Variants in IHO1 observed in about 807,000 individuals in gnomAD.
IHO1 encodes interactor of HORMAD1 1.
A neutral mutation model predicts 31.0 loss-of-function variants in IHO1; 13 were observed. The observed-to-expected ratio is 0.42, with a 90% confidence interval of 0.27 to 0.67. The LOEUF is 0.67. Ranked by LOEUF, IHO1 falls within the 30% of genes least tolerant of loss-of-function variation. IHO1 has a pLI of 0.24. For synonymous variants in IHO1, 221 were observed against 248.4 expected (o/e 0.89, Z 1.04); for missense variants, 599 against 687.5 (o/e 0.87, Z 1.44).
rs879052520 is a variant in IHO1, at chr3:49,256,397, G to A, written c.900G>A (p.Gln300=). 2 of 1,614,146 alleles carry A rather than the reference G, an allele frequency of 1.2e-6. No homozygotes were observed. Among genetic ancestry groups the A allele is most frequent in the Non-Finnish European group, 8.5e-7 (1 of 1,180,026 alleles). Residue 300 remains glutamine (Q), a synonymous_variant, in exon 8 of 8, where the codon CAG becomes CAA. Transcript: ENST00000452691. The surrounding 1 kb of genome is among the most constrained non-coding windows in gnomAD (Gnocchi z 4.6). ...AGAAACCAGTTTTATGGCAGGCCCA[G>A]GCCCTCCCTGCTGCATGGAATCCTG... ...TSEKPVLWQA[Q]ALPAAWNPGM...
chr3:49,210,679 G>A (rs1026371288), intron 1 of IHO1, among the ~76,000 whole-genome samples: 5 of 149,690 alleles, frequency 3.3e-5, no homozygotes, highest in South Asian at 2.1e-4. Context: ...GATTACAGGC[G>A]TGAGCCACTG....
chr3:49,244,105 C>T (rs1156775114), intron 4 of IHO1, among the ~76,000 whole-genome samples: 1 of 152,080 alleles, frequency 6.6e-6, no homozygotes, highest in Non-Finnish European at 1.5e-5. Flanking sequence ...CAGGTGCCCA[C>T]CACCACGCCT....
intron 4 of IHO1, 22 bp downstream of exon 4, chr3:49,241,411 A>T (rs1254527483): frequency 6.4e-7 from 1 of 1,572,826 alleles, no homozygotes. Flanking sequence ...TTTCAAATGG[A>T]TGAAAGAACT....
chr3:49,243,739 C>T (rs112015135), intron 4 of IHO1, among the ~76,000 whole-genome samples: 30,001 of 119,366 alleles, frequency 0.25, 4,198 homozygotes, highest in Middle Eastern at 0.33. Flanking sequence ...GCCTGGGTGA[C>T]GGAGCGAGAC....
At chr3:49,228,444 C>A in intron 2 of IHO1, 1 of 365,796 alleles carries the variant, frequency 2.7e-6, no homozygotes, top group Non-Finnish European at 5.5e-6. Context: ...CGGTATTTAG[C>A]CCCTGAATTC....
rs200605628 is a variant in IHO1 at position 49,233,852 on chromosome 3, C to T, written c.57-2696C>T. ...CAAGGAACACTTGGCCCACCGAGGG[C>T]GGAAAACCACTTCCAGGCATTCCTA... is the stretch of plus-strand genomic sequence containing the variant. On this transcript the variant is annotated intron_variant, in intron 2 of 7. Transcript: ENST00000452691. 1.2e-3 allele frequency among the ~76,000 whole-genome samples: 183 copies of T among 152,242 alleles called. 1 individual carries two copies. Among genetic ancestry groups the T allele is most frequent in the African/African-American group, 3.7e-3 (154 of 41,544 alleles).
intron 6 of IHO1, among the ~76,000 whole-genome samples, chr3:49,247,455 C>T (rs1012483790): frequency 3.4e-4 from 52 of 151,326 alleles, no homozygotes; most frequent in Non-Finnish European, 6.5e-4. Context: ...TGGTTTTGAA[C>T]TCCTGACCTC....
chr3:49,245,022 A>AT, intron 6 of IHO1: 1 of 576,568 alleles, frequency 1.7e-6, no homozygotes, highest in South Asian at 2.3e-5. Flanking sequence ...TTCTCATCTC[A>AT]CTGCCTGAAG....
chr3:49,196,002 G>T (rs549783773), upstream of IHO1, among the ~76,000 whole-genome samples: 1 of 150,540 alleles, frequency 6.6e-6, no homozygotes, highest in African/African-American at 2.4e-5. Flanking sequence ...TTGGGAGGTC[G>T]AGGCGGGCGG....
At chr3:49,215,886 A>G (rs2046281105) in intron 2 of IHO1, among the ~76,000 whole-genome samples, 1 of 152,136 alleles carries the variant, frequency 6.6e-6, no homozygotes, top group South Asian at 2.1e-4. Flanking sequence ...CTTTAACAGG[A>G]GAAGGGTCAA....
intron 2 of IHO1, among the ~76,000 whole-genome samples, chr3:49,235,725 CGA>C (rs1207239735): frequency 6.6e-6 from 1 of 150,644 alleles, no homozygotes; most frequent in African/African-American, 2.4e-5. Context: ...GTCAGGAGTT[CGA>C]GAGACCAGCC....
intron 2 of IHO1, among the ~76,000 whole-genome samples, chr3:49,217,176 G>T (rs1447473570): frequency 6.6e-6 from 1 of 152,092 alleles, no homozygotes; most frequent in Non-Finnish European, 1.5e-5. Flanking sequence ...AACTGATAAA[G>T]ACACATGCAC....
chr3:49,250,981 G>A (rs867220195), intron 6 of IHO1, among the ~76,000 whole-genome samples: 1 of 151,882 alleles, frequency 6.6e-6, no homozygotes, highest in African/African-American at 2.4e-5. Context: ...CCAAGATCGC[G>A]CCACTGCACT....
At chr3:49,209,424 C>T (rs2046180330) in intron 1 of IHO1, among the ~76,000 whole-genome samples, 1 of 151,798 alleles carries the variant, frequency 6.6e-6, no homozygotes, top group African/African-American at 2.4e-5. Flanking sequence ...CACTTGAGGT[C>T]AGGAGTTCGG....
In IHO1 at chr3:49,258,067, A is replaced by T. The variant is rs1257559419; in HGVS notation, c.*785A>T. On this transcript the variant is annotated 3_prime_UTR_variant, in exon 8 of 8. Coordinates refer to ENST00000452691, the MANE Select transcript of IHO1 (RefSeq NM_001135197.2). ...GTTTTTGAGTTTTTGCAACACAAGT[A>T]TTTTTTGTTATCAGAAATAAGATAA... is the stretch of plus-strand genomic sequence containing the variant. 1 of 152,126 alleles carries T rather than the reference A, an allele frequency of 6.6e-6. No homozygotes were observed. Among genetic ancestry groups the T allele is most frequent in the Admixed American group, 6.6e-5 (1 of 15,264 alleles). 9.4% of individuals were successfully genotyped at this position (152,126 alleles called of 1,614,324 possible). A position where few individuals can be genotyped will look rare whatever the true frequency, so the allele number is the denominator to read the frequency against.
At position 49,211,774 on chromosome 3, in the gene IHO1, A is replaced by G. The variant is rs1169350196; in HGVS notation, c.-7A>G. ...CCTATTCTTTCTAATAGGTATAACT[A>G]TAAGAAATGAATTTTAATGTCTGGA... On this transcript the variant is annotated 5_prime_UTR_variant, in exon 2 of 8. Transcript: ENST00000452691. 5.4e-6 allele frequency: 8 copies of G among 1,475,680 alleles called. No individual in the cohort carries two copies. Among genetic ancestry groups the G allele is most frequent in the Non-Finnish European group, 7.6e-6 (8 of 1,054,842 alleles). The allele number at this position is 1,475,680 out of a possible 1,614,324, so 91.4% of individuals were successfully genotyped here.
Position 49,251,185 on chromosome 3 carries a change from A to C in IHO1, c.533-4205A>C, listed in dbSNP as rs78419089. On this transcript the variant is annotated intron_variant, in intron 6 of 7. Transcript: ENST00000452691. Reference sequence around the variant, plus strand: ...ACACAGGCTGGAGTGCAGTGGTGCGATCTCAGCTCACTGCAACCTCCCCTT... The same window carrying C: ...ACACAGGCTGGAGTGCAGTGGTGCGCTCTCAGCTCACTGCAACCTCCCCTT... 9.3e-5 allele frequency among the ~76,000 whole-genome samples: 14 copies of C among 151,276 alleles called. No homozygotes were observed. The East Asian group carries it at 2.8e-3, about 30-fold the overall frequency.
intron 2 of IHO1, among the ~76,000 whole-genome samples, chr3:49,220,575 T>G (rs1575572407): frequency 6.6e-6 from 1 of 152,090 alleles, no homozygotes; most frequent in Non-Finnish European, 1.5e-5. Flanking sequence ...CTCTTAAAGG[T>G]GGTGCAGACC....
upstream of IHO1, among the ~76,000 whole-genome samples, chr3:49,196,180 A>G (rs1192558797): frequency 1.4e-5 from 2 of 146,308 alleles, no homozygotes; most frequent in Non-Finnish European, 3.0e-5. Flanking sequence ...GCAGTGAGCC[A>G]AGATCGCACC....
Sources: gnomAD v4.1 joint callset for allele counts (sites outside exome capture counted in the v4.1 genomes callset) on GRCh38, gnomAD v4.1.1 for gene constraint, Gnocchi (gnomAD v3.1) non-coding constraint, MANE v1.5 for transcripts, NCBI Gene and HGNC (gene_info 2026-07-23, HGNC 2026-07-21) for gene names.